Variants in ANO3 observed in about 807,000 individuals in gnomAD.
ANO3 encodes the protein anoctamin 3, also known as anoctamin-3.
A neutral mutation model predicts 144.8 loss-of-function variants in ANO3; 99 were observed. The observed-to-expected ratio is 0.68, with a 90% CI of 0.58 to 0.81. ANO3 has a LOEUF of 0.81. Ranked by LOEUF, ANO3 falls within the 30% of genes least tolerant of loss-of-function variation. The pLI, the probability that ANO3 is intolerant of heterozygous loss-of-function variation, is 0.00. For missense variants in ANO3, 905 were observed against 1,202.2 expected, an observed-to-expected ratio of 0.75 and a Z score of 3.66; for synonymous variants, 414 against 392.6, an observed-to-expected ratio of 1.05 and a Z score of -0.64.
intron 1 of ANO3, among the ~76,000 whole-genome samples, chr11:26,200,393 C>T (rs1242251458): frequency 6.6e-6 from 1 of 152,144 alleles, no homozygotes; most frequent in Non-Finnish European, 1.5e-5. Flanking sequence ...TTCTTTGGCA[C>T]AGGTGTATAG....
chr11:26,435,526 G>T (rs1858263491), intron 1 of ANO3, among the ~76,000 whole-genome samples: 1 of 152,154 alleles, frequency 6.6e-6, no homozygotes. Flanking sequence ...CCCTTTTAGG[G>T]ATTCCAGTGA....
chr11:26,203,363 T>A (rs1476895542), intron 1 of ANO3, among the ~76,000 whole-genome samples: 1 of 152,098 alleles, frequency 6.6e-6, no homozygotes, highest in Non-Finnish European at 1.5e-5. Flanking sequence ...GGTCCAAGAA[T>A]TAAATTAGCA....
intron 24 of ANO3, among the ~76,000 whole-genome samples, chr11:26,651,587 C>T (rs982650972): frequency 4.6e-5 from 7 of 151,838 alleles, no homozygotes; most frequent in East Asian, 3.9e-4. Context: ...CTTTAAGAAA[C>T]GGGTCATTTA....
chr11:26,560,673 AC>A (rs1850252590), intron 14 of ANO3: 2 of 156,532 alleles, frequency 1.3e-5, no homozygotes, highest in Non-Finnish European at 2.8e-5. Context: ...GAATTATGGT[AC>A]TAGGGCTTCA....
At chr11:26,223,565 T>A (rs919787982) in intron 1 of ANO3, among the ~76,000 whole-genome samples, 3 of 146,316 alleles carry the variant, frequency 2.1e-5, no homozygotes, top group African/African-American at 7.7e-5. Flanking sequence ...CACTCCACAG[T>A]ACCAATTTTC....
chr11:26,372,844 C>A (rs1226233877), intron 1 of ANO3, among the ~76,000 whole-genome samples: 2 of 151,770 alleles, frequency 1.3e-5, no homozygotes, highest in African/African-American at 2.4e-5. Context: ...ATAGTTTGGC[C>A]ATTTCACTTT....
In ANO3 at chr11:26,656,090, T is replaced by G. The variant is rs889992264; in HGVS notation, c.2577-35T>G. On this transcript the variant is annotated intron_variant, in intron 24 of 26. Coordinates refer to ENST00000256737, the MANE Select transcript of ANO3 (RefSeq NM_031418.4). Reference sequence around the variant, plus strand: ...AATAATTAGGCTAGAAACGTATGAATCTTTGAATCACATGATATTTTTCTT... The same window carrying G: ...AATAATTAGGCTAGAAACGTATGAAGCTTTGAATCACATGATATTTTTCTT... The G allele has an allele frequency of 4.1e-6, 6 of 1,478,192 alleles. No individual in the cohort carries two copies. In the Admixed American group the frequency reaches 5.2e-5, roughly 13 times the overall value. The allele number at this position is 1,478,192 out of a possible 1,614,324, so 91.6% of individuals were successfully genotyped here.
chr11:26,385,826 C>T (rs1224108723), intron 1 of ANO3, among the ~76,000 whole-genome samples: 1 of 53,104 alleles, frequency 1.9e-5, no homozygotes, highest in Non-Finnish European at 4.2e-5. Flanking sequence ...CACACACATA[C>T]ACACACACAC....
intron 13 of ANO3, chr11:26,559,428 A>T (rs759001536): frequency 2.2e-4 from 56 of 253,226 alleles, no homozygotes; most frequent in Non-Finnish European, 3.8e-4. Flanking sequence ...GTGACCCACA[A>T]ATACTTCCAT....
At chr11:26,374,210 C>T (rs894909235) in intron 1 of ANO3, among the ~76,000 whole-genome samples, 2 of 152,128 alleles carry the variant, frequency 1.3e-5, no homozygotes, top group African/African-American at 4.8e-5. Context: ...CAGTTTCTTT[C>T]TCATTTCTAT....
At chr11:26,642,455 G>T (rs186683044) in intron 22 of ANO3, among the ~76,000 whole-genome samples, 2 of 143,880 alleles carry the variant, frequency 1.4e-5, no homozygotes, top group East Asian at 4.3e-4. Flanking sequence ...GGGTTCAAGC[G>T]ATTCTCCTAC....
intron 18 of ANO3, among the ~76,000 whole-genome samples, chr11:26,633,928 A>G (rs1459829377): frequency 6.6e-6 from 1 of 151,874 alleles, no homozygotes; most frequent in Non-Finnish European, 1.5e-5. Flanking sequence ...AATACAAAAA[A>G]TTAGCCAGGC....
At chr11:26,613,116 T>C (rs1852147699) in intron 17 of ANO3, among the ~76,000 whole-genome samples, 2 of 152,272 alleles carry the variant, frequency 1.3e-5, no homozygotes, top group East Asian at 1.9e-4. Flanking sequence ...CTTCTCTCTC[T>C]AATAATCCTA....
At chr11:26,265,446 G>C (rs563773675) in intron 1 of ANO3, among the ~76,000 whole-genome samples, 1 of 152,094 alleles carries the variant, frequency 6.6e-6, no homozygotes, top group Non-Finnish European at 1.5e-5. Flanking sequence ...TAACCTAATA[G>C]ATTCTACATT....
At position 26,660,310 on chromosome 11, in the gene ANO3, G is replaced by A. The variant is rs774929522; in HGVS notation, c.2812G>A (p.Val938Ile). ...ATTCATCGCATACCTGATTCCAGAC[G>A]TACCAAAGGGTCTACATGACCGAAT... is the stretch of plus-strand genomic sequence containing the variant. ...KSFIAYLIPDVPKGLHDRIRR... is the reference protein window; with the variant it reads ...KSFIAYLIPDIPKGLHDRIRR... The change falls in exon 27 of 27, where the codon GTA becomes ATA. Residue 938 changes from valine (V) to isoleucine (I), a missense_variant. Val to Ile is a conservative substitution (Grantham distance 29, BLOSUM62 3). This residue lies in a region of ANO3 where 597 missense variants were observed against 865.1 expected (regional missense o/e 0.69). Coordinates refer to ENST00000256737, the MANE Select transcript of ANO3 (RefSeq NM_031418.4). 3.9e-5 allele frequency: 63 copies of A among 1,613,096 alleles called. No homozygotes were observed. Among genetic ancestry groups the A allele is most frequent in the South Asian group, 9.9e-5 (9 of 90,936 alleles).
intron 1 of ANO3, among the ~76,000 whole-genome samples, chr11:26,245,443 T>G (rs1852769229): frequency 6.6e-6 from 1 of 152,198 alleles, no homozygotes; most frequent in African/African-American, 2.4e-5. Context: ...ATAGCCACCT[T>G]TTAATTCTAT....
intron 1 of ANO3, among the ~76,000 whole-genome samples, chr11:26,315,103 G>A (rs199981284): frequency 4.7e-5 from 7 of 149,692 alleles, no homozygotes; most frequent in Non-Finnish European, 7.4e-5. Flanking sequence ...TATATTCTCA[G>A]AAAAAAAAAC....
intron 1 of ANO3, among the ~76,000 whole-genome samples, chr11:26,266,943 T>A (rs1288628346): frequency 2.0e-5 from 3 of 148,156 alleles, no homozygotes; most frequent in East Asian, 2.0e-4. Flanking sequence ...AAAAAAAAAA[T>A]TAGCCAGGCG....
At chr11:26,593,547 G>T (rs1274306580) in intron 14 of ANO3, among the ~76,000 whole-genome samples, 3 of 152,136 alleles carry the variant, frequency 2.0e-5, no homozygotes, top group South Asian at 4.1e-4. Flanking sequence ...CCGGGGCTCT[G>T]TGAGGGTGAT....
Sources: gnomAD v4.1 joint callset for allele counts (sites outside exome capture counted in the v4.1 genomes callset) on GRCh38, gnomAD v4.1.1 for gene constraint, gnomAD v4.1.1 regional missense constraint, MANE v1.5 for transcripts, NCBI Gene and HGNC (gene_info 2026-07-23, HGNC 2026-07-21) for gene names.